ARHGAP28: variants seen among roughly 807,000 people sequenced by gnomAD.
ARHGAP28 encodes the protein rho GTPase-activating protein 28.
In ARHGAP28, 56 loss-of-function variants were observed where a neutral mutation model predicts 90.7. The observed-to-expected ratio is 0.62, with a 90% CI of 0.50 to 0.77. The LOEUF is 0.77. Ranked by LOEUF, ARHGAP28 falls within the 30% of genes least tolerant of loss-of-function variation. The pLI is 0.00. For synonymous variants in ARHGAP28, 308 were observed against 323.3 expected (o/e 0.95, Z 0.51); for missense variants, 869 against 900.9 (o/e 0.96, Z 0.45).
chr18:6,733,727 T>C (rs1219373336), intron 1 of ARHGAP28, among the ~76,000 whole-genome samples: 1 of 152,182 alleles, frequency 6.6e-6, no homozygotes, highest in Non-Finnish European at 1.5e-5. Flanking sequence ...TACAAACTTT[T>C]AAGTAGTTTA....
At chr18:6,733,944 G>A (rs1489991115) in intron 1 of ARHGAP28, among the ~76,000 whole-genome samples, 1 of 152,186 alleles carries the variant, frequency 6.6e-6, no homozygotes, top group East Asian at 1.9e-4. Flanking sequence ...CAGTGGCAGG[G>A]AGTCCTAGTT....
chr18:6,872,992 GA>G (rs768115070), intron 7 of ARHGAP28, among the ~76,000 whole-genome samples: 10 of 148,032 alleles, frequency 6.8e-5, no homozygotes, highest in South Asian at 4.3e-4. Context: ...GCCCAAGAAG[GA>G]AAAAAAAAAC....
intron 1 of ARHGAP28, among the ~76,000 whole-genome samples, chr18:6,802,997 T>C (rs977647904): frequency 5.3e-5 from 8 of 152,128 alleles, no homozygotes; most frequent in Admixed American, 1.3e-4. Flanking sequence ...ATGTATTCTA[T>C]AAGATTTTCT....
At chr18:6,749,286 G>A (rs1456236166) in intron 1 of ARHGAP28, among the ~76,000 whole-genome samples, 1 of 152,160 alleles carries the variant, frequency 6.6e-6, no homozygotes, top group African/African-American at 2.4e-5. Flanking sequence ...AGGAAAGTTA[G>A]AAATGTAAAA....
At chr18:6,832,352 T>C (rs2056722839) in intron 2 of ARHGAP28, among the ~76,000 whole-genome samples, 1 of 152,064 alleles carries the variant, frequency 6.6e-6, no homozygotes, top group Non-Finnish European at 1.5e-5. Flanking sequence ...AGGTTCCATG[T>C]GCACTTAAAA....
At chr18:6,746,282 T>A (rs920068722) in intron 1 of ARHGAP28, among the ~76,000 whole-genome samples, 1 of 152,194 alleles carries the variant, frequency 6.6e-6, no homozygotes, top group Non-Finnish European at 1.5e-5. Context: ...GACCAGGGGT[T>A]GGCACAGTTT....
rs1245228652 is a variant in ARHGAP28, at chr18:6,913,111, G to T, written c.*957G>T. 1.3e-5 allele frequency: 2 copies of T among 148,710 alleles called. No homozygotes were observed. The highest frequency in any genetic ancestry group is 5.3e-5 in the African/African-American group (2 of 38,080). 9.2% of individuals were successfully genotyped at this position (148,710 alleles called of 1,614,324 possible). On this transcript the variant is annotated 3_prime_UTR_variant, in exon 18 of 18. Coordinates refer to ENST00000383472, the MANE Select transcript of ARHGAP28 (RefSeq NM_001366230.1). ...ATGCTGAAAAATACTGTTCTATCCAGGTTTCCTAAACTATAAAAGCAGATT... is the reference window on the plus strand; with the variant it reads ...ATGCTGAAAAATACTGTTCTATCCATGTTTCCTAAACTATAAAAGCAGATT...
At chr18:6,819,634 C>G (rs1170654367) in intron 1 of ARHGAP28, among the ~76,000 whole-genome samples, 1 of 152,162 alleles carries the variant, frequency 6.6e-6, no homozygotes, top group Non-Finnish European at 1.5e-5. Flanking sequence ...TAGTTCTCCC[C>G]ACTCAACAAC....
intron 3 of ARHGAP28, among the ~76,000 whole-genome samples, chr18:6,845,175 C>A (rs1600240276): frequency 6.6e-6 from 1 of 152,188 alleles, no homozygotes; most frequent in South Asian, 2.1e-4. Flanking sequence ...AACTCCTGGG[C>A]TCAATCAGTC....
intron 2 of ARHGAP28, chr18:6,834,540 G>A (rs185526827): frequency 1.3e-5 from 2 of 152,310 alleles, no homozygotes; most frequent in Non-Finnish European, 1.5e-5. Flanking sequence ...GTCCAGAAAT[G>A]TAAGCCGTTT....
At chr18:6,733,011 T>C (rs2055895904) in intron 1 of ARHGAP28, among the ~76,000 whole-genome samples, 1 of 152,132 alleles carries the variant, frequency 6.6e-6, no homozygotes, top group Non-Finnish European at 1.5e-5. Context: ...AAAACTCAAA[T>C]ATCTGAGTTT....
chr18:6,860,951 T>G (rs1462308814), intron 5 of ARHGAP28, among the ~76,000 whole-genome samples: 1 of 152,232 alleles, frequency 6.6e-6, no homozygotes, highest in Non-Finnish European at 1.5e-5. Flanking sequence ...TACTTTCCCA[T>G]TCAAGACCAG....
intron 2 of ARHGAP28, among the ~76,000 whole-genome samples, chr18:6,828,243 C>G (rs1016510227): frequency 2.6e-5 from 4 of 152,148 alleles, no homozygotes; most frequent in South Asian, 2.1e-4. Context: ...CGCAGGCACT[C>G]GGCAGGCCCA....
intron 17 of ARHGAP28, 105 bp downstream of exon 17, chr18:6,909,129 A>C: frequency 1.4e-6 from 1 of 697,136 alleles, no homozygotes; most frequent in Non-Finnish European, 2.4e-6. Flanking sequence ...TCAGATAAAA[A>C]CTAAAAATCA....
intron 1 of ARHGAP28, among the ~76,000 whole-genome samples, chr18:6,780,311 A>G (rs2056314161): frequency 6.6e-6 from 1 of 152,226 alleles, no homozygotes; most frequent in Admixed American, 6.5e-5. Context: ...AAAAAAAACA[A>G]TAAAAACTAA....
intron 2 of ARHGAP28, 46 bp from the exon 3 acceptor site, chr18:6,837,151 C>T (rs1001784592): frequency 1.3e-5 from 18 of 1,403,692 alleles, no homozygotes; most frequent in Non-Finnish European, 1.5e-5. Context: ...GGCATCCAAT[C>T]ATACAGAAAA....
rs35950139 is a variant in ARHGAP28, at chr18:6,802,335, C to CTTTTT, written c.123-22403_123-22399dup. Among the ~76,000 whole-genome samples, 57 of 52,764 alleles carry CTTTTT rather than the reference C, an allele frequency of 1.1e-3. 5 individuals carry two copies. Among genetic ancestry groups the CTTTTT allele is most frequent in the African/African-American group, 1.5e-3 (20 of 13,308 alleles). The allele number at this position is 52,764 out of a possible 152,430, so 34.6% of individuals were successfully genotyped here. On this transcript the variant is annotated intron_variant, in intron 1 of 17. Transcript: ENST00000383472. ...GGATCATATGGATCATATGGTAGTTCTTTTTTTTTTTTTTTTTTTTTTTTT... is the reference window on the plus strand; with the variant it reads ...GGATCATATGGATCATATGGTAGTTCTTTTTTTTTTTTTTTTTTTTTTTTTTTTTT...
At chr18:6,909,318 A>C (rs1434516252) in intron 17 of ARHGAP28, among the ~76,000 whole-genome samples, 2 of 89,422 alleles carry the variant, frequency 2.2e-5, no homozygotes, top group African/African-American at 8.9e-5. Context: ...TTTGAGACAG[A>C]ATCTTGCTCT....
chr18:6,839,557 A>G (rs1420861905), intron 3 of ARHGAP28, among the ~76,000 whole-genome samples: 1 of 152,164 alleles, frequency 6.6e-6, no homozygotes, highest in Non-Finnish European at 1.5e-5. Flanking sequence ...TCGGCCTCCC[A>G]AAGTGCTGGG....
Sources: gnomAD v4.1 joint callset for allele counts (sites outside exome capture counted in the v4.1 genomes callset) on GRCh38, gnomAD v4.1.1 for gene constraint, MANE v1.5 for transcripts, NCBI Gene and HGNC (gene_info 2026-07-23, HGNC 2026-07-21) for gene names.